Variants in EIF2D observed in about 807,000 individuals in gnomAD.
EIF2D encodes the protein hepatocellular carcinoma-associated antigen 56.
In EIF2D, 56 loss-of-function variants were observed where a neutral mutation model predicts 77.4. The ratio of observed to expected loss-of-function variants is 0.72; its 90% CI spans 0.58 to 0.90. The LOEUF is 0.90. Ranked by LOEUF, EIF2D falls within the 40% of genes least tolerant of loss-of-function variation. EIF2D has a pLI of 0.00. For missense variants in EIF2D, 574 were observed against 706.5 expected, an observed-to-expected ratio of 0.81 and a Z score of 2.13; for synonymous variants, 230 against 271.0, an observed-to-expected ratio of 0.85 and a Z score of 1.49.
chr1:206,597,667 G>A (rs183908582), intron 11 of EIF2D, among the ~76,000 whole-genome samples: 79 of 148,926 alleles, frequency 5.3e-4, no homozygotes, highest in African/African-American at 1.9e-3. Context: ...AAATAGGGCC[G>A]GGCGCAGTGG....
intron 1 of EIF2D, among the ~76,000 whole-genome samples, chr1:206,612,049 T>A (rs78044000): frequency 1.3e-5 from 2 of 152,216 alleles, no homozygotes; most frequent in African/African-American, 4.8e-5. Flanking sequence ...GTCAGTAAAC[T>A]CTGACTTAAC....
chr1:206,593,886 C>G, intron 13 of EIF2D, 93 bp from the exon 14 acceptor site: 1 of 1,135,052 alleles, frequency 8.8e-7, no homozygotes, highest in Non-Finnish European at 1.2e-6. Context: ...TTCTGAGCCC[C>G]TGTGTTCTCT....
rs769232830 is a variant in EIF2D, at chr1:206,592,680, T to C, written c.1685-835A>G. On this transcript the variant is annotated intron_variant, in intron 14 of 14. Coordinates refer to ENST00000271764, the MANE Select transcript of EIF2D (RefSeq NM_006893.3). This position sits in a 1 kb window ranked among gnomAD's most constrained non-coding sequence, Gnocchi z 4.7. The stretch of plus-strand genomic sequence containing the variant: ...TAATTCTGAAGGCATTGAAGAGGCA[T>C]ACAAAGTTTTTTAGAAGGGAGTGAT... Among the ~76,000 whole-genome samples the C allele has an allele frequency of 6.6e-6, 1 of 152,206 alleles. No homozygotes were observed. Among genetic ancestry groups the C allele is most frequent in the African/African-American group, 2.4e-5 (1 of 41,448 alleles).
chr1:206,601,462 C>G (rs187521841), intron 7 of EIF2D: 1 of 152,030 alleles, frequency 6.6e-6, no homozygotes, highest in Non-Finnish European at 1.5e-5. Context: ...CCCAGCTACT[C>G]GGGAAGGCTG....
At chr1:206,606,812 A>T (rs1670223102) in intron 4 of EIF2D, among the ~76,000 whole-genome samples, 1 of 152,226 alleles carries the variant, frequency 6.6e-6, no homozygotes, top group African/African-American at 2.4e-5. Flanking sequence ...GTAATTTTTC[A>T]CTCACTAGGA....
rs782202453 is a variant in EIF2D at position 206,597,064 on chromosome 1, T to C, written c.1388+36A>G. 1.5e-5 allele frequency: 23 copies of C among 1,503,704 alleles called. 1 individual carries two copies. The highest frequency in any genetic ancestry group is 5.6e-5 in the South Asian group (5 of 88,720). The allele number at this position is 1,503,704 out of a possible 1,614,324, so 93.1% of individuals were successfully genotyped here. ...TGTGATCAACATTAAGGCGAGGGGATAGAAAAGTTGGAGAGGGACTGCCAA... is the reference window on the plus strand; with the variant it reads ...TGTGATCAACATTAAGGCGAGGGGACAGAAAAGTTGGAGAGGGACTGCCAA... On this transcript the variant is annotated intron_variant, in intron 12 of 14. Coordinates refer to ENST00000271764, the MANE Select transcript of EIF2D (RefSeq NM_006893.3).
rs571549593 is a variant in EIF2D at position 206,606,289 on chromosome 1, T to C, written c.423-782A>G. 1.2e-4 allele frequency among the ~76,000 whole-genome samples: 19 copies of C among 152,356 alleles called. 1 individual carries two copies. In the South Asian group the frequency reaches 3.9e-3, roughly 32 times the overall value. Reference sequence around the variant, plus strand: ...CTTGCTTTAAACCTGGTAGCTCTGCTAACTGTACCTATAGGTCAGTTCCTG... The same window carrying C: ...CTTGCTTTAAACCTGGTAGCTCTGCCAACTGTACCTATAGGTCAGTTCCTG... On this transcript the variant is annotated intron_variant, in intron 4 of 14. Coordinates refer to ENST00000271764, the MANE Select transcript of EIF2D (RefSeq NM_006893.3).
Position 206,603,059 on chromosome 1 carries a change from T to A in EIF2D, c.676A>T (p.Asn226Tyr). 6.2e-7 allele frequency: 1 copy of A among 1,614,102 alleles called. No individual in the cohort carries two copies. Among genetic ancestry groups the A allele is most frequent in the South Asian group, 1.1e-5 (1 of 91,078 alleles). The change falls in exon 6 of 15, where the codon AAT (asparagine) becomes TAT (tyrosine). Residue 226 changes from asparagine (N) to tyrosine (Y), a missense_variant. Transcript: ENST00000271764. Reference protein sequence around the residue: ...RHMTLEGEEENGEVHQAREDK... With the variant: ...RHMTLEGEEEYGEVHQAREDK... ...TCACGTGCCTGGTGAACCTCCCCAT[T>A]CTCCTCTTCCCCCTCCAGGGTCATG...
chr1:206,608,941 ACT>A (rs1168177846), intron 3 of EIF2D, among the ~76,000 whole-genome samples: 1 of 152,076 alleles, frequency 6.6e-6, no homozygotes, highest in Non-Finnish European at 1.5e-5. Flanking sequence ...AATCCCAGTT[ACT>A]CGGGAGGCTG....
chr1:206,610,579 G>A (rs931661732), intron 2 of EIF2D, among the ~76,000 whole-genome samples: 1 of 152,016 alleles, frequency 6.6e-6, no homozygotes, highest in Non-Finnish European at 1.5e-5. Flanking sequence ...CCAGCACTTT[G>A]GGAGGCCGAG....
At chr1:206,603,301 A>G (rs1018709266) in intron 5 of EIF2D, 97 bp from the exon 6 acceptor site, 3 of 1,515,190 alleles carry the variant, frequency 2.0e-6, no homozygotes, top group African/African-American at 2.8e-5. Context: ...GACAGCAGAG[A>G]GCCAACAGGC....
rs782671124 is a variant in EIF2D at position 206,608,240 on chromosome 1, T to C, written c.418A>G (p.Asn140Asp). The C allele has an allele frequency of 3.1e-6, 5 of 1,613,360 alleles. No homozygotes were observed. In the South Asian group the frequency reaches 3.3e-5, roughly 11 times the overall value. The change falls in exon 4 of 15, where the codon AAC (asparagine) becomes GAC (aspartate). Residue 140 changes from asparagine (N) to aspartate (D), a missense_variant. Physicochemically the swap from Asn to Asp is conservative, Grantham distance 23. Coordinates refer to ENST00000271764, the MANE Select transcript of EIF2D (RefSeq NM_006893.3). ...GDLCAISLVGNRAPVAIGVAA... is the reference protein window; with the variant it reads ...GDLCAISLVGDRAPVAIGVAA... Reference sequence around the variant, plus strand: ...CACAGTTGCCTGGCACAGTACCTGTTCCCCACCAAAGAAATGGCACAGAGG... The same window carrying C: ...CACAGTTGCCTGGCACAGTACCTGTCCCCCACCAAAGAAATGGCACAGAGG...
downstream of EIF2D, chr1:206,587,168 G>C: frequency 1.6e-6 from 1 of 631,700 alleles, no homozygotes; most frequent in Non-Finnish European, 2.8e-6. Flanking sequence ...CCCGCCCCCA[G>C]GCTGTGCCCC....
intron 13 of EIF2D, chr1:206,594,076 A>G (rs896209695): frequency 6.6e-5 from 16 of 241,328 alleles, no homozygotes; most frequent in Admixed American, 3.8e-4. Flanking sequence ...AGAATTCAAA[A>G]CATAAATGAA....
chr1:206,575,014 A>G (rs985730435), intron 4 of EIF2D, among the ~76,000 whole-genome samples: 8 of 138,510 alleles, frequency 5.8e-5, no homozygotes, highest in African/African-American at 1.8e-4. Context: ...CGCACGGATA[A>G]TTTTTTTGTT....
At chr1:206,601,765 C>T (rs1395150050) in intron 7 of EIF2D, 2 of 152,676 alleles carry the variant, frequency 1.3e-5, no homozygotes, top group African/African-American at 4.8e-5. Context: ...CTTGAACACC[C>T]TGGAGACCTA....
chr1:206,585,005 C>A (rs1026811524), intron 2 of EIF2D: 1 of 630,134 alleles, frequency 1.6e-6, no homozygotes, highest in Non-Finnish European at 2.8e-6. Context: ...TGAGCAGACA[C>A]CCAAGATAAA....
At chr1:206,583,130 C>G (rs73080973) in intron 2 of EIF2D, 1 of 620,698 alleles carries the variant, frequency 1.6e-6, no homozygotes, top group African/African-American at 1.8e-5. Flanking sequence ...TGTCTCACTC[C>G]GAGTCCGTGC....
chr1:206,584,616 A>G lies in EIF2D; in HGVS notation c.139-3454T>C, dbSNP rs1553407164. On this transcript the variant is annotated intron_variant and NMD_transcript_variant, in intron 2 of 5. Transcript: ENST00000472709. This position sits in a 1 kb window ranked among gnomAD's most constrained non-coding sequence, Gnocchi z 4.9. ...AGTGAGGTCATCCAGGGGCTGCTCAAGAAGTTCATGGTTGTGGACAATCCC... is the reference window on the plus strand; with the variant it reads ...AGTGAGGTCATCCAGGGGCTGCTCAGGAAGTTCATGGTTGTGGACAATCCC... 2 of 1,614,208 alleles carry G rather than the reference A, an allele frequency of 1.2e-6. No homozygotes were observed. Among genetic ancestry groups the G allele is most frequent in the East Asian group, 2.2e-5 (1 of 44,866 alleles).
Sources: gnomAD v4.1 joint callset for allele counts (sites outside exome capture counted in the v4.1 genomes callset) on GRCh38, gnomAD v4.1.1 for gene constraint, Gnocchi (gnomAD v3.1) non-coding constraint, MANE v1.5 for transcripts, NCBI Gene and HGNC (gene_info 2026-07-23, HGNC 2026-07-21) for gene names.